Variants in CRACD observed in about 807,000 individuals in gnomAD.
CRACD encodes capping protein inhibiting regulator of actin dynamics.
Under a neutral mutation model 106.8 loss-of-function variants are expected in CRACD, and 56 were observed. The ratio of observed to expected loss-of-function variants is 0.52; its 90% CI spans 0.42 to 0.66. The LOEUF (loss-of-function observed/expected upper bound fraction) is 0.66. CRACD is among the 30% of genes least tolerant of loss of function. CRACD has a pLI of 0.00. For synonymous variants in CRACD, 754 were observed against 670.8 expected (o/e 1.12, Z -1.92); for missense variants, 1,730 against 1,623.2 (o/e 1.07, Z -1.13).
chr4:56,241,127 G>A lies in CRACD; in HGVS notation c.-188-31194G>A, dbSNP rs566411998. On this transcript the variant is annotated intron_variant, in intron 2 of 10. Coordinates refer to ENST00000682029, the MANE Select transcript of CRACD (RefSeq NM_001393381.1). ...CATATGGAAAAGGGCAGACTATAAA[G>A]TGCTCATGAAATTTTCCTTAGCTCT... Among the ~76,000 whole-genome samples, 144 of 152,288 alleles carry A rather than the reference G, an allele frequency of 9.5e-4. 1 individual carries two copies. The highest frequency in any genetic ancestry group is 3.4e-3 in the Middle Eastern group (1 of 294).
At chr4:56,250,964 T>C (rs1741019431) in intron 2 of CRACD, among the ~76,000 whole-genome samples, 1 of 152,226 alleles carries the variant, frequency 6.6e-6, no homozygotes, top group Non-Finnish European at 1.5e-5. Context: ...CTTGAATCCA[T>C]TCATGTCTTT....
At chr4:56,270,663 G>A (rs577264070) in intron 2 of CRACD, among the ~76,000 whole-genome samples, 9 of 152,060 alleles carry the variant, frequency 5.9e-5, no homozygotes, top group South Asian at 4.2e-4. Flanking sequence ...TTATCTCTTC[G>A]TGTCTCAGGT....
intron 2 of CRACD, among the ~76,000 whole-genome samples, chr4:56,184,137 C>T (rs1015541572): frequency 2.6e-5 from 4 of 152,084 alleles, no homozygotes; most frequent in Non-Finnish European, 5.9e-5. Context: ...GTGGCGCGAT[C>T]TCAGCTCACG....
intron 1 of CRACD, among the ~76,000 whole-genome samples, chr4:56,088,169 G>C (rs998766068): frequency 6.9e-6 from 1 of 145,780 alleles, no homozygotes; most frequent in Non-Finnish European, 1.5e-5. Flanking sequence ...TTTTATTTTA[G>C]GTTCAAGGGG....
intron 3 of CRACD, among the ~76,000 whole-genome samples, chr4:56,282,715 G>A (rs1263805543): frequency 6.6e-6 from 1 of 152,200 alleles, no homozygotes; most frequent in Non-Finnish European, 1.5e-5. Context: ...CAAGATGGCT[G>A]TCACAGTTCC....
chr4:56,241,493 T>C (rs1740363986), intron 2 of CRACD, among the ~76,000 whole-genome samples: 1 of 152,008 alleles, frequency 6.6e-6, no homozygotes. Context: ...GGGACTTCTG[T>C]TTCTCTTTGG....
At chr4:56,308,822 T>C in intron 5 of CRACD, 1 of 1,283,128 alleles carries the variant, frequency 7.8e-7, no homozygotes, top group African/African-American at 1.5e-5. Context: ...AGCCATCGCC[T>C]TGGTGCAGGG....
chr4:56,176,220 C>A (rs565030255), intron 1 of CRACD, among the ~76,000 whole-genome samples: 2 of 152,222 alleles, frequency 1.3e-5, no homozygotes, highest in East Asian at 3.9e-4. Flanking sequence ...TGTGATGACT[C>A]CAGCTTTGTT....
At position 56,316,432 on chromosome 4, in the gene CRACD, T is replaced by A; in HGVS notation, c.2930T>A (p.Leu977His). 6.2e-7 allele frequency: 1 copy of A among 1,614,058 alleles called. No homozygotes were observed. Among genetic ancestry groups the A allele is most frequent in the Non-Finnish European group, 8.5e-7 (1 of 1,179,940 alleles). ...AGTCAGACCCCACCAGCATCCCCAC[T>A]TTCCAAACTGAGCAGGCCCTACTTG... ...PTSQTPPASP[L>H]SKLSRPYLVE... Residue 977 changes from leucine (L) to histidine (H), a missense_variant, in exon 8 of 11, where the codon CTT (leucine) becomes CAT (histidine). Physicochemically the swap from Leu to His is moderately conservative, Grantham distance 99 (BLOSUM62 -3). This residue lies in a region of CRACD where 1,620 missense variants were observed against 1,481.6 expected (regional missense o/e 1.09). Coordinates refer to ENST00000682029, the MANE Select transcript of CRACD (RefSeq NM_001393381.1).
chr4:56,216,614 G>T (rs983032399), intron 2 of CRACD, among the ~76,000 whole-genome samples: 6 of 152,170 alleles, frequency 3.9e-5, no homozygotes, highest in Admixed American at 3.9e-4. Flanking sequence ...TTTGGCAAAA[G>T]TGGTAATGTA....
In CRACD at chr4:56,315,548, C is replaced by A. The variant is rs200506105; in HGVS notation, c.2046C>A (p.Asp682Glu). Residue 682 changes from aspartate (D) to glutamate (E), a missense_variant, in exon 8 of 11, where the codon GAC (aspartate) becomes GAA (glutamate). This residue lies in a region of CRACD where 1,620 missense variants were observed against 1,481.6 expected (regional missense o/e 1.09). Coordinates refer to ENST00000682029, the MANE Select transcript of CRACD (RefSeq NM_001393381.1). The surrounding 1 kb of genome is among the most constrained non-coding windows in gnomAD (Gnocchi z 4.1). ...GAATCCTGAAGAACGCAGAGAGTGA[C>A]CCGCGCAGCAGCGAGAGGGACCAGT... is the stretch of plus-strand genomic sequence containing the variant. ...RSRILKNAES[D>E]PRSSERDQLR... is the part of the protein sequence containing the mutation. The A allele has an allele frequency of 4.1e-5, 66 of 1,613,984 alleles. No homozygotes were observed. The highest frequency in any genetic ancestry group is 5.6e-5 in the Non-Finnish European group (66 of 1,180,040).
At chr4:56,083,371 A>C (rs926812030) in intron 1 of CRACD, among the ~76,000 whole-genome samples, 1 of 152,218 alleles carries the variant, frequency 6.6e-6, no homozygotes, top group African/African-American at 2.4e-5. Context: ...TGAAGATAAA[A>C]GGCTGCCAAA....
intron 4 of CRACD, among the ~76,000 whole-genome samples, chr4:56,301,776 T>A (rs2109731790): frequency 6.6e-6 from 1 of 152,106 alleles, no homozygotes; most frequent in South Asian, 2.1e-4. Context: ...CAGCCTCCCC[T>A]TTCCTGAGTA....
At chr4:56,305,765 C>T (rs1744654375) in intron 4 of CRACD, among the ~76,000 whole-genome samples, 1 of 152,096 alleles carries the variant, frequency 6.6e-6, no homozygotes, top group Admixed American at 6.6e-5. Flanking sequence ...TGGAGGGGAC[C>T]CTTGGGCTTA....
chr4:56,140,231 C>G (rs1244828602), intron 1 of CRACD, among the ~76,000 whole-genome samples: 1 of 152,222 alleles, frequency 6.6e-6, no homozygotes, highest in African/African-American at 2.4e-5. Flanking sequence ...CTGCCCGTCT[C>G]TCAGGCATAG....
At chr4:56,137,974 A>T (rs1247706188) in intron 1 of CRACD, among the ~76,000 whole-genome samples, 2 of 152,200 alleles carry the variant, frequency 1.3e-5, no homozygotes. Context: ...TTTATTGGAT[A>T]GCTTTTGCAT....
At chr4:56,207,744 T>A (rs944490144) in intron 2 of CRACD, among the ~76,000 whole-genome samples, 36 of 71,140 alleles carry the variant, frequency 5.1e-4, no homozygotes, top group African/African-American at 2.1e-3. Context: ...ACTTGTTTTC[T>A]CATATATATA....
intron 2 of CRACD, among the ~76,000 whole-genome samples, chr4:56,183,515 A>G (rs1290872256): frequency 6.6e-6 from 1 of 152,256 alleles, no homozygotes; most frequent in East Asian, 1.9e-4. Flanking sequence ...CTGCACAGGC[A>G]CGTGGTGTAG....
chr4:56,265,262 T>C (rs1422536580), intron 2 of CRACD, among the ~76,000 whole-genome samples: 1 of 152,186 alleles, frequency 6.6e-6, no homozygotes, highest in Non-Finnish European at 1.5e-5. Flanking sequence ...CTTAACTTAG[T>C]AAAATTATGG....
Sources: gnomAD v4.1 joint callset for allele counts (sites outside exome capture counted in the v4.1 genomes callset) on GRCh38, gnomAD v4.1.1 for gene constraint, gnomAD v4.1.1 regional missense constraint, Gnocchi (gnomAD v3.1) non-coding constraint, MANE v1.5 for transcripts, NCBI Gene and HGNC (gene_info 2026-07-23, HGNC 2026-07-21) for gene names.